The following ATP8B1 variants were observed in gnomAD, a reference collection of about 807,000 sequenced individuals.
The protein encoded by ATP8B1 is phospholipid-transporting ATPase IC.
Under a neutral mutation model 149.9 loss-of-function variants are expected in ATP8B1, and 80 were observed. The observed-to-expected ratio is 0.53, with a 90% CI of 0.45 to 0.64. ATP8B1 has a LOEUF of 0.64. Ranked by LOEUF, ATP8B1 falls within the 30% of genes least tolerant of loss-of-function variation. ATP8B1 has a pLI of 0.00. For synonymous variants in ATP8B1, 536 were observed against 562.8 expected (o/e 0.95, Z 0.67); for missense variants, 1,247 against 1,552.6 (o/e 0.80, Z 3.31).
chr18:57,672,932 A>T lies in ATP8B1; in HGVS notation c.1820-1352T>A, dbSNP rs1288152031. Among the ~76,000 whole-genome samples, 104 of 32,094 alleles carry T rather than the reference A, an allele frequency of 3.2e-3. 5 individuals carry two copies. The highest frequency in any genetic ancestry group is 5.3e-3 in the East Asian group (4 of 750). The allele number at this position is 32,094 out of a possible 152,430, so 21.1% of individuals were successfully genotyped here. Reference sequence around the variant, plus strand: ...TATATATATATATATATATATATATAACATGTATATACACATATATACATA... The same window carrying T: ...TATATATATATATATATATATATATTACATGTATATACACATATATACATA... On this transcript the variant is annotated intron_variant, in intron 16 of 27. Transcript: ENST00000648908.
At chr18:57,661,676 TACAC>T (rs368698002) in intron 21 of ATP8B1, among the ~76,000 whole-genome samples, 3 of 104,616 alleles carry the variant, frequency 2.9e-5, no homozygotes, top group African/African-American at 1.1e-4. Flanking sequence ...TGTATGTATA[TACAC>T]ACACACACAC....
chr18:57,757,821 C>T (rs995112008), intron 1 of ATP8B1, among the ~76,000 whole-genome samples: 1 of 152,164 alleles, frequency 6.6e-6, no homozygotes, highest in Non-Finnish European at 1.5e-5. Context: ...TCCCTCACCA[C>T]CCAACTTTAG....
At chr18:57,669,099 T>C in intron 18 of ATP8B1, 3 of 396,178 alleles carry the variant, frequency 7.6e-6, no homozygotes, top group Non-Finnish European at 1.3e-5. Context: ...AATTAGAACT[T>C]CTCCTAATGT....
chr18:57,652,850 T>A, intron 24 of ATP8B1, 121 bp from the exon 25 acceptor site: 1 of 1,245,116 alleles, frequency 8.0e-7, no homozygotes, highest in Non-Finnish European at 1.2e-6. Context: ...AGGCAAAAAC[T>A]GAACAAGATA....
chr18:57,647,809 T>C lies in ATP8B1; in HGVS notation c.*679A>G, dbSNP rs941805252. ...CTCAGGTTGGAGTGCAGTGCCACGA[T>C]CTCGGCTCACTGGAACCTCCACCTC... On this transcript the variant is annotated 3_prime_UTR_variant, in exon 28 of 28. Coordinates refer to ENST00000648908, the MANE Select transcript of ATP8B1 (RefSeq NM_001374385.1). 1 of 157,416 alleles carries C rather than the reference T, an allele frequency of 6.4e-6. No individual in the cohort carries two copies. The highest frequency in any genetic ancestry group is 1.4e-5 in the Non-Finnish European group (1 of 70,908). 9.8% of individuals were successfully genotyped at this position (157,416 alleles called of 1,614,324 possible).
chr18:57,759,371 C>A (rs868236153), intron 1 of ATP8B1, among the ~76,000 whole-genome samples: 14 of 152,182 alleles, frequency 9.2e-5, no homozygotes, highest in Middle Eastern at 6.8e-3. Flanking sequence ...CTCCAGGGAC[C>A]TTCCCTAAGC....
intron 2 of ATP8B1, among the ~76,000 whole-genome samples, chr18:57,706,964 T>C (rs1363626865): frequency 1.3e-5 from 2 of 152,220 alleles, no homozygotes; most frequent in East Asian, 3.8e-4. Flanking sequence ...GGCATAAGCA[T>C]GCTGCTGCTA....
At chr18:57,781,988 C>G (rs75189819) in intron 1 of ATP8B1, among the ~76,000 whole-genome samples, 3,644 of 152,294 alleles carry the variant, frequency 0.024, 151 homozygotes, top group African/African-American at 0.084. Context: ...GAACCCATCT[C>G]TAAAAACCAG....
intron 16 of ATP8B1, among the ~76,000 whole-genome samples, chr18:57,674,262 AAG>A (rs1911448110): frequency 6.7e-6 from 1 of 148,260 alleles, no homozygotes; most frequent in Non-Finnish European, 1.5e-5. Context: ...AAAAAAAGAA[AAG>A]AAAAGAAAAA....
intron 1 of ATP8B1, among the ~76,000 whole-genome samples, chr18:57,786,826 T>A (rs563695650): frequency 3.3e-5 from 5 of 152,324 alleles, no homozygotes; most frequent in Admixed American, 2.6e-4. Flanking sequence ...CAATGGTTCA[T>A]GAAAACTAGA....
intron 13 of ATP8B1, among the ~76,000 whole-genome samples, chr18:57,685,542 ACT>A (rs1912193077): frequency 6.6e-6 from 1 of 151,260 alleles, no homozygotes; most frequent in African/African-American, 2.4e-5. Flanking sequence ...TTAAAATAGC[ACT>A]CTATTTGAAT....
intron 6 of ATP8B1, among the ~76,000 whole-genome samples, chr18:57,699,154 G>A (rs1912984416): frequency 1.3e-5 from 2 of 152,248 alleles, no homozygotes; most frequent in African/African-American, 4.8e-5. Flanking sequence ...CTCATTCCAA[G>A]ACTTTTTATG....
At chr18:57,685,577 C>G (rs1912194513) in intron 13 of ATP8B1, among the ~76,000 whole-genome samples, 1 of 151,958 alleles carries the variant, frequency 6.6e-6, no homozygotes, top group Non-Finnish European at 1.5e-5. Context: ...TTAATATTAT[C>G]TCTAAATTTA....
intron 2 of ATP8B1, among the ~76,000 whole-genome samples, chr18:57,707,800 C>T (rs2122983361): frequency 6.6e-6 from 1 of 151,340 alleles, no homozygotes; most frequent in Non-Finnish European, 1.5e-5. Flanking sequence ...AGCCACTGTG[C>T]CTGGCAAAAT....
intron 1 of ATP8B1, among the ~76,000 whole-genome samples, chr18:57,742,304 A>C (rs1209185111): frequency 1.3e-5 from 2 of 152,266 alleles, no homozygotes; most frequent in Non-Finnish European, 2.9e-5. Context: ...TTATAGAAAC[A>C]GCGTAATTAC....
chr18:57,801,801 C>T (rs998534703), intron 1 of ATP8B1: 3 of 152,190 alleles, frequency 2.0e-5, no homozygotes, highest in African/African-American at 7.2e-5. Flanking sequence ...AATATTTTCT[C>T]ACGCCAACAG....
At chr18:57,682,355 G>C (rs1912024135) in intron 15 of ATP8B1, among the ~76,000 whole-genome samples, 1 of 152,184 alleles carries the variant, frequency 6.6e-6, no homozygotes, top group South Asian at 2.1e-4. Context: ...CACCGAGGAA[G>C]GTGGTTCTCA....
chr18:57,675,084 G>T, intron 15 of ATP8B1, 62 bp from the exon 16 acceptor site: 1 of 1,556,938 alleles, frequency 6.4e-7, no homozygotes, highest in Non-Finnish European at 8.8e-7. Context: ...GCTCATTGTT[G>T]AGGCCTCTGC....
intron 13 of ATP8B1, among the ~76,000 whole-genome samples, chr18:57,685,591 AAAATT>A (rs1458746066): frequency 3.3e-5 from 5 of 152,116 alleles, no homozygotes; most frequent in African/African-American, 1.2e-4. Context: ...AAATTTACAT[AAAATT>A]AAATTTCTAA....
Sources: gnomAD v4.1 joint callset for allele counts (sites outside exome capture counted in the v4.1 genomes callset) on GRCh38, gnomAD v4.1.1 for gene constraint, MANE v1.5 for transcripts, NCBI Gene and HGNC (gene_info 2026-07-23, HGNC 2026-07-21) for gene names.